RYR1: variants seen among roughly 807,000 people sequenced by gnomAD.
RYR1 encodes the protein ryanodine receptor 1.
RYR1 carries 342 observed loss-of-function variants against 583.5 expected under a neutral mutation model. The observed-to-expected ratio is 0.59, with a 90% CI of 0.54 to 0.64. RYR1 has a LOEUF of 0.64. RYR1 is among the 30% of genes least tolerant of loss of function. The pLI is 0.00. For synonymous variants in RYR1, 2,791 were observed against 2,822.5 expected (o/e 0.99, Z 0.35); for missense variants, 6,032 against 6,917.2 (o/e 0.87, Z 4.54).
rs371834943 is a variant in RYR1, at chr19:38,522,354, C to A, written c.10260-674C>A. Among the ~76,000 whole-genome samples the A allele has an allele frequency of 6.1e-4, 93 of 152,266 alleles. 1 individual carries two copies. The South Asian group carries it at 0.015, about 24-fold the overall frequency. The stretch of plus-strand genomic sequence containing the variant: ...AGGTGGCTCACACCTGTAATCCCAG[C>A]ACTTTGAGAGGTCAGGGAAAGAGGA... On this transcript the variant is annotated intron_variant, in intron 67 of 105. Coordinates refer to ENST00000359596, the MANE Select transcript of RYR1 (RefSeq NM_000540.3).
chr19:38,566,259 G>C (rs2145849643), intron 91 of RYR1, among the ~76,000 whole-genome samples: 1 of 151,864 alleles, frequency 6.6e-6, no homozygotes, highest in African/African-American at 2.4e-5. Flanking sequence ...GACCATCCTG[G>C]CCACCGTGGT....
chr19:38,585,462 C>CTATA (rs954494373), intron 102 of RYR1, among the ~76,000 whole-genome samples: 1 of 145,510 alleles, frequency 6.9e-6, no homozygotes, highest in South Asian at 2.1e-4. Context: ...GTGTGTGTGT[C>CTATA]TATATATATA....
At chr19:38,472,066 C>G (rs539933924) in intron 27 of RYR1, among the ~76,000 whole-genome samples, 77 of 151,912 alleles carry the variant, frequency 5.1e-4, no homozygotes, top group African/African-American at 1.8e-3. Flanking sequence ...CATTGTTTAC[C>G]GAGTCTCTAG....
chr19:38,519,409 T>C lies in RYR1; in HGVS notation c.10214T>C (p.Leu3405Pro). ...RDEFSVLCRDLYALYPLLIRY... is the reference protein window; with the variant it reads ...RDEFSVLCRDPYALYPLLIRY... ...GAGTTCTCTGTGCTCTGCCGGGACC[T>C]CTACGCCCTGTATCCGCTGCTCATC... Residue 3405 changes from leucine (L) to proline (P), a missense_variant, in exon 67 of 106, where the codon CTC (leucine) becomes CCC (proline). This residue lies in a region of RYR1 where 1,493 missense variants were observed against 1,715.5 expected (regional missense o/e 0.87). Coordinates refer to ENST00000359596, the MANE Select transcript of RYR1 (RefSeq NM_000540.3). 1 of 1,603,044 alleles carries C rather than the reference T, an allele frequency of 6.2e-7. No homozygotes were observed. Among genetic ancestry groups the C allele is most frequent in the Non-Finnish European group, 8.5e-7 (1 of 1,175,546 alleles).
intron 90 of RYR1, 52 bp from the exon 91 acceptor site, chr19:38,564,907 G>A: frequency 6.5e-7 from 1 of 1,542,562 alleles, no homozygotes; most frequent in Non-Finnish European, 8.7e-7. Flanking sequence ...TGTCGCTGCT[G>A]TCCGAGCCCC....
In RYR1 at chr19:38,504,325, C is replaced by T; in HGVS notation, c.8032C>T (p.Leu2678Phe). Residue 2678 changes from leucine to phenylalanine, a missense_variant, in exon 50 of 106, where the codon CTC becomes TTC. Coordinates refer to ENST00000359596, the MANE Select transcript of RYR1 (RefSeq NM_000540.3). ...GGAGGAGCTGCACCTCACACGGAAA[C>T]TCTTCTGGGGCATCTTTGACTCTCT... The part of the protein sequence containing the change: ...SEEELHLTRK[L>F]FWGIFDSLAH... 6.2e-7 allele frequency: 1 copy of T among 1,614,198 alleles called. No homozygotes were observed. Among genetic ancestry groups the T allele is most frequent in the Non-Finnish European group, 8.5e-7 (1 of 1,180,040 alleles).
Position 38,505,801 on chromosome 19 carries a change from C to T in RYR1, c.8401-5C>T. The T allele has an allele frequency of 6.2e-7, 1 of 1,614,118 alleles. No individual in the cohort carries two copies. On this transcript the variant is annotated splice_region_variant and splice_polypyrimidine_tract_variant and intron_variant, in intron 53 of 105. Transcript: ENST00000359596. ...ACCAACTCCCCACCCTCCTGTCCAC[C>T]CCAGGACAAAGAGATTTACCGCTGG...
intron 93 of RYR1, among the ~76,000 whole-genome samples, chr19:38,569,609 G>T (rs1056830946): frequency 1.3e-5 from 2 of 152,170 alleles, no homozygotes; most frequent in African/African-American, 4.8e-5. Flanking sequence ...GACAGGTGGG[G>T]TGACCTCACT....
chr19:38,508,316 T>A (rs1343313313), intron 58 of RYR1, among the ~76,000 whole-genome samples: 3 of 152,154 alleles, frequency 2.0e-5, no homozygotes, highest in African/African-American at 7.2e-5. Context: ...TTCAAGCGAT[T>A]CTCCTGCCTC....
chr19:38,481,555 A>G (rs1969011850), intron 31 of RYR1, among the ~76,000 whole-genome samples: 1 of 152,058 alleles, frequency 6.6e-6, no homozygotes, highest in Non-Finnish European at 1.5e-5. Flanking sequence ...TATTTGTTGA[A>G]GGAACCAGGC....
Position 38,466,072 on chromosome 19 carries a change from A to G in RYR1, c.2871-19A>G, listed in dbSNP as rs776524158. ...TGGAGGTGAGGGCCTTGTCCCATGG[A>G]GCCCTACCATGCCCGCAGGTATATG... is the stretch of plus-strand genomic sequence containing the variant. On this transcript the variant is annotated intron_variant, in intron 23 of 105. Coordinates refer to ENST00000359596, the MANE Select transcript of RYR1 (RefSeq NM_000540.3). 20 of 1,596,884 alleles carry G rather than the reference A, an allele frequency of 1.3e-5. No homozygotes were observed.
chr19:38,496,841 C>A lies in RYR1; in HGVS notation c.6797-19C>A. On this transcript the variant is annotated intron_variant, in intron 41 of 105. Transcript: ENST00000359596. The surrounding 1 kb of genome is among the most constrained non-coding windows in gnomAD (Gnocchi z 4.8). ...GACAAGCAGGAGTGAGATGTTCTCC[C>A]CACCTCTCGCCCCTGCAGGCATGCA... 1 of 1,603,628 alleles carries A rather than the reference C, an allele frequency of 6.2e-7. No individual in the cohort carries two copies. The highest frequency in any genetic ancestry group is 1.1e-5 in the South Asian group (1 of 90,756).
rs187220021 is a variant in RYR1 at position 38,496,781 on chromosome 19, A to G, written c.6797-79A>G. On this transcript the variant is annotated intron_variant, in intron 41 of 105. Transcript: ENST00000359596. This position sits in a 1 kb window ranked among gnomAD's most constrained non-coding sequence, Gnocchi z 4.8. ...GGAGGCACCTGATCCAGGCTGGAAA[A>G]AGGGTGGTCAGGGAGGGCTTCCCAG... is the stretch of plus-strand genomic sequence containing the variant. 1.3e-3 allele frequency: 1,770 copies of G among 1,385,876 alleles called. 34 individuals carry two copies. In the Admixed American group the frequency reaches 0.028, roughly 22 times the overall value. 85.8% of individuals were successfully genotyped at this position (1,385,876 alleles called of 1,614,324 possible).
intron 31 of RYR1, among the ~76,000 whole-genome samples, chr19:38,482,372 G>A (rs771054100): frequency 1.3e-5 from 2 of 152,278 alleles, no homozygotes; most frequent in South Asian, 2.1e-4. Flanking sequence ...CAGAGACAAT[G>A]TTGTTTGTGG....
chr19:38,485,513 T>C, intron 33 of RYR1, 77 bp from the exon 34 acceptor site: 2 of 1,570,160 alleles, frequency 1.3e-6, no homozygotes, highest in Non-Finnish European at 8.7e-7. Flanking sequence ...ATGAAGGAAA[T>C]GGAGGAAGAG....
intron 47 of RYR1, among the ~76,000 whole-genome samples, chr19:38,501,273 G>A (rs1970106017): frequency 6.6e-6 from 1 of 152,180 alleles, no homozygotes; most frequent in Non-Finnish European, 1.5e-5. Flanking sequence ...GCCGAGGCGA[G>A]CGGATCACAA....
chr19:38,471,838 G>A (rs1208065413), intron 27 of RYR1, among the ~76,000 whole-genome samples: 1 of 144,944 alleles, frequency 6.9e-6, no homozygotes, highest in Non-Finnish European at 1.5e-5. Flanking sequence ...GGAGGCAAAA[G>A]TTGCAGTCAG....
At chr19:38,470,123 G>A (rs537705665) in intron 27 of RYR1, among the ~76,000 whole-genome samples, 36 of 148,966 alleles carry the variant, frequency 2.4e-4, no homozygotes, top group Middle Eastern at 7.0e-3. Flanking sequence ...CCAAGATTGC[G>A]CCCTTGCACT....
At chr19:38,546,418 C>A in intron 87 of RYR1, 27 bp from the exon 88 acceptor site, 1 of 1,606,606 alleles carries the variant, frequency 6.2e-7, no homozygotes, top group Middle Eastern at 1.7e-4. Flanking sequence ...ATGCTGAGAC[C>A]AGCCCTCACC....
Sources: gnomAD v4.1 joint callset for allele counts (sites outside exome capture counted in the v4.1 genomes callset) on GRCh38, gnomAD v4.1.1 for gene constraint, gnomAD v4.1.1 regional missense constraint, Gnocchi (gnomAD v3.1) non-coding constraint, MANE v1.5 for transcripts, NCBI Gene and HGNC (gene_info 2026-07-23, HGNC 2026-07-21) for gene names.